HTRA1: variants seen among roughly 807,000 people sequenced by gnomAD.
The protein encoded by HTRA1 is HtrA serine peptidase 1.
A neutral mutation model predicts 49.7 loss-of-function variants in HTRA1; 26 were observed. The ratio of observed to expected loss-of-function variants is 0.52; its 90% CI spans 0.38 to 0.73. HTRA1 has a LOEUF of 0.73. Ranked by LOEUF, HTRA1 falls within the 30% of genes least tolerant of loss-of-function variation. The pLI is 0.00. For synonymous variants in HTRA1, 291 were observed against 286.9 expected (o/e 1.01, Z -0.14); for missense variants, 561 against 667.2 (o/e 0.84, Z 1.75).
chr10:122,491,144 T>C (rs898052061), intron 3 of HTRA1, among the ~76,000 whole-genome samples: 1 of 152,230 alleles, frequency 6.6e-6, no homozygotes, highest in African/African-American at 2.4e-5. Flanking sequence ...CTTTTTCACC[T>C]AATCTGCATA....
At chr10:122,514,163 T>G (rs763297589) in intron 8 of HTRA1, 28 bp from the exon 9 acceptor site, 2 of 1,609,294 alleles carry the variant, frequency 1.2e-6, no homozygotes, top group South Asian at 1.1e-5. Flanking sequence ...CACGAAACAT[T>G]GCCATTGTGT....
At chr10:122,504,467 C>G (rs2097502222) in intron 3 of HTRA1, among the ~76,000 whole-genome samples, 1 of 152,180 alleles carries the variant, frequency 6.6e-6, no homozygotes, top group South Asian at 2.1e-4. Context: ...GAAGCAGACG[C>G]CTGCTGGGCC....
intron 7 of HTRA1, among the ~76,000 whole-genome samples, chr10:122,511,133 A>G (rs28523390): frequency 0.64 from 96,829 of 152,024 alleles, 31,121 homozygotes; most frequent in Middle Eastern, 0.72. Context: ...GGTGCTTCTG[A>G]TGTGTGGCCA....
intron 3 of HTRA1, among the ~76,000 whole-genome samples, chr10:122,500,503 G>A (rs2097500434): frequency 6.6e-6 from 1 of 152,190 alleles, no homozygotes; most frequent in South Asian, 2.1e-4. Flanking sequence ...AGCTAATCAA[G>A]TGGTTCAAGG....
chr10:122,493,043 G>A (rs2097496678), intron 3 of HTRA1, among the ~76,000 whole-genome samples: 1 of 152,220 alleles, frequency 6.6e-6, no homozygotes, highest in East Asian at 1.9e-4. Context: ...TGCCAGAGAT[G>A]TTTCTGGGCT....
At chr10:122,480,178 C>A (rs913861167) in intron 1 of HTRA1, among the ~76,000 whole-genome samples, 1 of 152,152 alleles carries the variant, frequency 6.6e-6, no homozygotes, top group Non-Finnish European at 1.5e-5. Context: ...CACAGCTGTA[C>A]GGGGCAGAAG....
Position 122,461,892 on chromosome 10 carries a change from G to A in HTRA1, c.240G>A (p.Glu80=), listed in dbSNP as rs2097481555. The A allele has an allele frequency of 7.3e-7, 1 of 1,361,038 alleles. No homozygotes were observed. The highest frequency in any genetic ancestry group is 9.4e-7 in the Non-Finnish European group (1 of 1,061,830). The allele number at this position is 1,361,038 out of a possible 1,614,324, so 84.3% of individuals were successfully genotyped here. The change falls in exon 1 of 9, where the codon GAG becomes GAA. Residue 80 remains glutamate (E), a synonymous_variant. Coordinates refer to ENST00000368984, the MANE Select transcript of HTRA1 (RefSeq NM_002775.5). Reference sequence around the variant, plus strand: ...AGGGCGCCGCGTGCGGCCTGCAGGAGGGCCCGTGCGGCGAGGGGCTGCAGT... The same window carrying A: ...AGGGCGCCGCGTGCGGCCTGCAGGAAGGCCCGTGCGGCGAGGGGCTGCAGT... ...APEGAACGLQ[E]GPCGEGLQCV... is the part of the protein sequence containing the mutation.
rs2097497709 is a variant in HTRA1 at position 122,494,621 on chromosome 10, T to C, written c.777+4995T>C. Among the ~76,000 whole-genome samples the C allele has an allele frequency of 6.6e-6, 1 of 152,080 alleles. No homozygotes were observed. Among genetic ancestry groups the C allele is most frequent in the Non-Finnish European group, 1.5e-5 (1 of 68,022 alleles). ...CTTGTTGAGGCTTGTGAGGTGGTTT[T>C]CCTCCCTCCCCTGTAGGCCTGCGCC... On this transcript the variant is annotated intron_variant, in intron 3 of 8. Transcript: ENST00000368984. This position sits in a 1 kb window ranked among gnomAD's most constrained non-coding sequence, Gnocchi z 4.0.
In HTRA1 at chr10:122,506,603, G is replaced by A; in HGVS notation, c.778-88G>A. The stretch of plus-strand genomic sequence containing the variant: ...TGGTGTTTCCAAATAGCCCGTCACT[G>A]TCCCTGCTTGGTTTTCCATGATATC... On this transcript the variant is annotated intron_variant, in intron 3 of 8. Coordinates refer to ENST00000368984, the MANE Select transcript of HTRA1 (RefSeq NM_002775.5). The surrounding 1 kb of genome is among the most constrained non-coding windows in gnomAD (Gnocchi z 5.2). The A allele has an allele frequency of 1.7e-6, 2 of 1,162,780 alleles. No homozygotes were observed. Among genetic ancestry groups the A allele is most frequent in the Admixed American group, 3.4e-5 (2 of 59,210 alleles). 72.0% of individuals were successfully genotyped at this position (1,162,780 alleles called of 1,614,324 possible). A position where few individuals can be genotyped will look rare whatever the true frequency, so the allele number is the denominator to read the frequency against.
At chr10:122,481,401 C>T (rs1292385242) in intron 1 of HTRA1, among the ~76,000 whole-genome samples, 1 of 152,210 alleles carries the variant, frequency 6.6e-6, no homozygotes, top group Non-Finnish European at 1.5e-5. Context: ...AGATGTGTGA[C>T]AGAGGGCAAG....
chr10:122,463,711 T>C (rs1327233062), intron 1 of HTRA1, among the ~76,000 whole-genome samples: 1 of 152,216 alleles, frequency 6.6e-6, no homozygotes, highest in Non-Finnish European at 1.5e-5. Context: ...TTGAAAAACT[T>C]GCCCAAGGTC....
At position 122,488,987 on chromosome 10, in the gene HTRA1, C is replaced by T; in HGVS notation, c.558C>T (p.Ile186=). The T allele has an allele frequency of 2.5e-6, 4 of 1,613,166 alleles. No homozygotes were observed. Among genetic ancestry groups the T allele is most frequent in the Non-Finnish European group, 3.4e-6 (4 of 1,179,146 alleles). Residue 186 remains isoleucine (I), a synonymous_variant, in exon 2 of 9, where the codon ATC becomes ATT. Transcript: ENST00000368984. ...AGATCGCCCCTGCCGTGGTTCATAT[C>T]GAATTGTTTCGCAAGTAAAGAGAGC... is the stretch of plus-strand genomic sequence containing the variant. ...VEKIAPAVVH[I]ELFRKLPFSK... is the part of the protein sequence containing the mutation.
chr10:122,470,222 G>T (rs2097485525), intron 1 of HTRA1, among the ~76,000 whole-genome samples: 1 of 152,206 alleles, frequency 6.6e-6, no homozygotes, highest in Non-Finnish European at 1.5e-5. Context: ...TCTCCATGAT[G>T]AACCACTAGA....
intron 3 of HTRA1, among the ~76,000 whole-genome samples, chr10:122,493,102 G>A (rs1269730013): frequency 6.6e-6 from 1 of 152,204 alleles, no homozygotes; most frequent in East Asian, 1.9e-4. Context: ...GCAGACACAT[G>A]TGCGCTCACT....
chr10:122,511,941 C>T (rs774051109), intron 7 of HTRA1, 29 bp from the exon 8 acceptor site: 38 of 1,573,348 alleles, frequency 2.4e-5, no homozygotes, highest in Non-Finnish European at 2.5e-5. Context: ...TTTCTTCACA[C>T]TAACACGGGT....
chr10:122,467,994 G>A (rs1243305956), intron 1 of HTRA1, among the ~76,000 whole-genome samples: 1 of 152,160 alleles, frequency 6.6e-6, no homozygotes, highest in African/African-American at 2.4e-5. Context: ...CATCACTGCC[G>A]GAAAGATGCA....
chr10:122,478,360 G>A (rs1461145612), intron 1 of HTRA1, among the ~76,000 whole-genome samples: 3 of 151,030 alleles, frequency 2.0e-5, no homozygotes, highest in Admixed American at 1.3e-4. Context: ...ATCAGCCCCC[G>A]CAGACTGCTC....
intron 1 of HTRA1, among the ~76,000 whole-genome samples, chr10:122,469,520 T>C (rs1179226723): frequency 1.3e-5 from 2 of 152,174 alleles, no homozygotes; most frequent in Non-Finnish European, 2.9e-5. Flanking sequence ...ACAGGAATAT[T>C]GTATTCTCCA....
At chr10:122,502,631 G>A (rs2097501416) in intron 3 of HTRA1, among the ~76,000 whole-genome samples, 1 of 152,160 alleles carries the variant, frequency 6.6e-6, no homozygotes, top group African/African-American at 2.4e-5. Flanking sequence ...TGCAGGCTGG[G>A]GGCCAGTGGG....
Sources: gnomAD v4.1 joint callset for allele counts (sites outside exome capture counted in the v4.1 genomes callset) on GRCh38, gnomAD v4.1.1 for gene constraint, Gnocchi (gnomAD v3.1) non-coding constraint, MANE v1.5 for transcripts, NCBI Gene and HGNC (gene_info 2026-07-23, HGNC 2026-07-21) for gene names.